DNAJC21: variants seen among roughly 807,000 people sequenced by gnomAD.
DNAJC21 encodes DnaJ heat shock protein family (Hsp40) member C21.
In DNAJC21, 63 loss-of-function variants were observed where a neutral mutation model predicts 72.4. The ratio of observed to expected loss-of-function variants is 0.87; its 90% CI spans 0.71 to 1.07. The LOEUF (loss-of-function observed/expected upper bound fraction) is 1.07, where lower values mean the gene tolerates loss of function less well. Ranked by LOEUF, DNAJC21 falls within the 50% of genes least tolerant of loss-of-function variation. DNAJC21 has a pLI of 0.00. For synonymous variants in DNAJC21, 203 were observed against 216.7 expected (o/e 0.94, Z 0.56); for missense variants, 634 against 644.8 (o/e 0.98, Z 0.18).
chr5:34,952,186 G>C (rs913383440), intron 10 of DNAJC21: 45 of 984,974 alleles, frequency 4.6e-5, no homozygotes, highest in Non-Finnish European at 4.6e-5. Flanking sequence ...TTAGATATCA[G>C]CTTCAGAGAT....
intron 2 of DNAJC21, among the ~76,000 whole-genome samples, chr5:34,935,323 T>C (rs1764732956): frequency 6.6e-6 from 1 of 152,224 alleles, no homozygotes; most frequent in Non-Finnish European, 1.5e-5. Context: ...AGGAAGATTC[T>C]TATTCCAGTG....
Position 34,950,534 on chromosome 5 carries a change from A to T in DNAJC21, c.1358+192A>T, listed in dbSNP as rs1007510505. The T allele has an allele frequency of 3.2e-6, 4 of 1,243,850 alleles. No individual in the cohort carries two copies. In the African/African-American group the frequency reaches 6.1e-5, roughly 19 times the overall value. 77.1% of individuals were successfully genotyped at this position (1,243,850 alleles called of 1,614,324 possible). A position where few individuals can be genotyped will look rare whatever the true frequency, so the allele number is the denominator to read the frequency against. On this transcript the variant is annotated intron_variant, in intron 10 of 11. Transcript: ENST00000648817. ...AGCGTTGAGAAGAGGATGCTAGAGGAATGTGCCCACACACATCTCAGCAGC... is the reference window on the plus strand; with the variant it reads ...AGCGTTGAGAAGAGGATGCTAGAGGTATGTGCCCACACACATCTCAGCAGC...
intron 3 of DNAJC21, 113 bp downstream of exon 3, chr5:34,935,946 G>C: frequency 1.4e-6 from 2 of 1,473,522 alleles, no homozygotes; most frequent in Non-Finnish European, 1.8e-6. Context: ...TGTTCATTTT[G>C]AAAACTGAAG....
intron 9 of DNAJC21, chr5:34,949,427 A>T: frequency 6.7e-7 from 1 of 1,485,624 alleles, no homozygotes; most frequent in South Asian, 1.3e-5. Context: ...TATCCTGTAT[A>T]TCCCTATACA....
chr5:34,952,957 T>G (rs1404012457), intron 10 of DNAJC21, among the ~76,000 whole-genome samples: 1 of 152,086 alleles, frequency 6.6e-6, no homozygotes, highest in African/African-American at 2.4e-5. Context: ...GAGACCATCC[T>G]GGCCAATATG....
In DNAJC21 at chr5:34,954,794, A is replaced by T. The variant is rs138486539; in HGVS notation, c.*80A>T. On this transcript the variant is annotated 3_prime_UTR_variant, in exon 12 of 12. Transcript: ENST00000648817. Reference sequence around the variant, plus strand: ...GAACTGAAATCATCTAAAGAGTTAAAATTTCAGTGATCTGCAATTAATTAC... The same window carrying T: ...GAACTGAAATCATCTAAAGAGTTAATATTTCAGTGATCTGCAATTAATTAC... 3.6e-5 allele frequency: 48 copies of T among 1,335,310 alleles called. No homozygotes were observed. In the African/African-American group the frequency reaches 6.5e-4, roughly 18 times the overall value. The allele number at this position is 1,335,310 out of a possible 1,614,324, so 82.7% of individuals were successfully genotyped here. A position where few individuals can be genotyped will look rare whatever the true frequency, so the allele number is the denominator to read the frequency against.
chr5:34,954,504 T>C (rs1376973024), intron 11 of DNAJC21, 49 bp from the exon 12 acceptor site: 5 of 1,539,090 alleles, frequency 3.2e-6, no homozygotes, highest in Non-Finnish European at 3.5e-6. Context: ...AAAACACTAC[T>C]TTCAAGTGAT....
At chr5:34,932,121 A>G (rs1764617896) in intron 1 of DNAJC21, among the ~76,000 whole-genome samples, 2 of 152,160 alleles carry the variant, frequency 1.3e-5, no homozygotes, top group Non-Finnish European at 1.5e-5. Flanking sequence ...TGTAGCTTAA[A>G]GAACTTTAGT....
chr5:34,945,774 C>G lies in DNAJC21; in HGVS notation c.1156C>G (p.Gln386Glu), dbSNP rs145946905. Reference protein sequence around the residue: ...DAPKQKLSKKQKKKKQKPAQN... With the variant: ...DAPKQKLSKKEKKKKQKPAQN... ...ATTTGCTCTTAGGCTTTCTAAAAAA[C>G]AGAAGAAAAAGAAACAGAAACCAGC... is the stretch of plus-strand genomic sequence containing the variant. Residue 386 changes from glutamine (Q) to glutamate (E), a missense_variant, in exon 9 of 12, where the codon CAG (glutamine) becomes GAG (glutamate). Physicochemically the swap from Gln to Glu is conservative, Grantham distance 29. Transcript: ENST00000648817. 2.5e-6 allele frequency: 4 copies of G among 1,593,836 alleles called. No homozygotes were observed. Among genetic ancestry groups the G allele is most frequent in the Non-Finnish European group, 2.6e-6 (3 of 1,172,624 alleles).
chr5:34,941,629 C>G (rs570663785), intron 7 of DNAJC21, among the ~76,000 whole-genome samples: 1 of 141,054 alleles, frequency 7.1e-6, no homozygotes, highest in Non-Finnish European at 1.5e-5. Context: ...TGCAGTGGCA[C>G]GATCTCAGCT....
At position 34,941,186 on chromosome 5, in the gene DNAJC21, A is replaced by G; in HGVS notation, c.983+3A>G. 1 of 1,612,336 alleles carries G rather than the reference A, an allele frequency of 6.2e-7. No homozygotes were observed. The highest frequency in any genetic ancestry group is 8.5e-7 in the Non-Finnish European group (1 of 1,178,654). On this transcript the variant is annotated splice_donor_region_variant and intron_variant, in intron 7 of 11. Coordinates refer to ENST00000648817, the MANE Select transcript of DNAJC21 (RefSeq NM_001012339.3). ...AAATCGTTCAAGACAGAAAAGGCGT[A>G]AGTTTATTAATTTAATTTAATTTAA...
At chr5:34,935,957 A>G (rs928430494) in intron 3 of DNAJC21, 124 bp downstream of exon 3, 7 of 1,430,658 alleles carry the variant, frequency 4.9e-6, no homozygotes, top group Admixed American at 2.1e-5. Context: ...AAAACTGAAG[A>G]TGCATTGCCT....
At position 34,941,084 on chromosome 5, in the gene DNAJC21, T is replaced by C; in HGVS notation, c.896-12T>C. 6.2e-7 allele frequency: 1 copy of C among 1,611,666 alleles called. No homozygotes were observed. The highest frequency in any genetic ancestry group is 8.5e-7 in the Non-Finnish European group (1 of 1,178,090). ...TCAAAGAGGGTTCTTACTGTAGGCT[T>C]CCCTGTCATAGGTAAAGACAGTGAT... is the stretch of plus-strand genomic sequence containing the variant. On this transcript the variant is annotated splice_polypyrimidine_tract_variant and intron_variant, in intron 6 of 11. Transcript: ENST00000648817.
chr5:34,947,685 C>G (rs923481614), intron 9 of DNAJC21, among the ~76,000 whole-genome samples: 3 of 98,350 alleles, frequency 3.1e-5, no homozygotes, highest in Non-Finnish European at 6.3e-5. Context: ...AAGAGATTAT[C>G]TTTTCTCTAT....
At chr5:34,942,048 A>G (rs1392955135) in intron 7 of DNAJC21, among the ~76,000 whole-genome samples, 3 of 152,086 alleles carry the variant, frequency 2.0e-5, no homozygotes, top group South Asian at 4.1e-4. Context: ...CAGTATTCCT[A>G]TAGCTGCTTT....
rs1764510316 is a variant in DNAJC21, at chr5:34,929,722, G to A, written c.-98G>A. The A allele has an allele frequency of 2.2e-6, 1 of 458,434 alleles. No individual in the cohort carries two copies. Among genetic ancestry groups the A allele is most frequent in the Admixed American group, 6.6e-5 (1 of 15,186 alleles). 28.4% of individuals were successfully genotyped at this position (458,434 alleles called of 1,614,324 possible). A position where few individuals can be genotyped will look rare whatever the true frequency, so the allele number is the denominator to read the frequency against. The stretch of plus-strand genomic sequence containing the variant: ...CGGTGCGGGCGGCGGACTCCCGCCG[G>A]AGAGGACTGCCAGCGCCGCCGCCGC... On this transcript the variant is annotated 5_prime_UTR_variant, in exon 1 of 12. Coordinates refer to ENST00000648817, the MANE Select transcript of DNAJC21 (RefSeq NM_001012339.3).
intron 2 of DNAJC21, 33 bp downstream of exon 2, chr5:34,933,941 T>C (rs745432429): frequency 6.3e-7 from 1 of 1,591,948 alleles, no homozygotes; most frequent in Non-Finnish European, 8.6e-7. Flanking sequence ...CATCCTAGTT[T>C]ATGATGTTGG....
intron 6 of DNAJC21, 57 bp from the exon 7 acceptor site, chr5:34,941,039 A>G: frequency 7.6e-7 from 1 of 1,312,612 alleles, no homozygotes; most frequent in Non-Finnish European, 1.1e-6. Context: ...TTGTTAGCAT[A>G]TTTTAGATTT....
intron 7 of DNAJC21, among the ~76,000 whole-genome samples, chr5:34,944,322 G>A (rs1238100383): frequency 6.6e-6 from 1 of 152,182 alleles, no homozygotes; most frequent in East Asian, 1.9e-4. Context: ...AACTGCTCTT[G>A]TATTTCAAGC....
Sources: allele counts gnomAD v4.1 joint callset (sites outside exome capture counted in the v4.1 genomes callset), GRCh38; gene constraint gnomAD v4.1.1; transcripts MANE v1.5; gene names NCBI Gene and HGNC (gene_info 2026-07-23, HGNC 2026-07-21).